SAMD4A: variants seen among roughly 807,000 people sequenced by gnomAD.
SAMD4A encodes protein Smaug homolog 1.
SAMD4A carries 33 observed loss-of-function variants against 81.3 expected under a neutral mutation model. The observed-to-expected ratio is 0.41, with a 90% CI of 0.31 to 0.54. The LOEUF (loss-of-function observed/expected upper bound fraction) is 0.54. Among genes scored for constraint, SAMD4A ranks in the 20% least tolerant of loss-of-function variants. The probability of loss-of-function intolerance (pLI) is 0.37; values close to 1 mark genes in which losing one functional copy is unlikely to be tolerated. For missense variants in SAMD4A, 854 were observed against 951.1 expected, an observed-to-expected ratio of 0.90 and a Z score of 1.34; for synonymous variants, 389 against 382.1, an observed-to-expected ratio of 1.02 and a Z score of -0.21.
In SAMD4A at chr14:54,614,604, C is replaced by T. The variant is rs533549829; in HGVS notation, c.196+46492C>T. The stretch of plus-strand genomic sequence containing the variant: ...CACCTTTCCCTCCTCTTTCTATAAA[C>T]GTGAGAAACATTTAAATACTATCTA... On this transcript the variant is annotated intron_variant, in intron 2 of 12. Coordinates refer to ENST00000554335, the MANE Select transcript of SAMD4A (RefSeq NM_015589.6). Among the ~76,000 whole-genome samples the T allele has an allele frequency of 3.7e-4, 56 of 152,270 alleles. No homozygotes were observed. In the South Asian group the frequency reaches 0.011, roughly 30 times the overall value.
chr14:54,639,120 C>G (rs1430553528), intron 2 of SAMD4A, among the ~76,000 whole-genome samples: 1 of 152,182 alleles, frequency 6.6e-6, no homozygotes, highest in Non-Finnish European at 1.5e-5. Context: ...CAGCAAATTA[C>G]TTTAATCCCT....
intron 2 of SAMD4A, among the ~76,000 whole-genome samples, chr14:54,569,753 G>A (rs894657498): frequency 6.6e-6 from 1 of 152,182 alleles, no homozygotes; most frequent in African/African-American, 2.4e-5. Context: ...GAGGATTTAC[G>A]CAGAGTCATT....
chr14:54,566,220 G>A (rs1457615754), upstream of SAMD4A, among the ~76,000 whole-genome samples: 4 of 151,152 alleles, frequency 2.6e-5, no homozygotes, highest in East Asian at 2.0e-4. Context: ...GCCCGCGGCC[G>A]GCGCTCCGGG....
intron 2 of SAMD4A, among the ~76,000 whole-genome samples, chr14:54,586,339 A>G (rs1204225783): frequency 6.6e-6 from 1 of 152,146 alleles, no homozygotes; most frequent in African/African-American, 2.4e-5. Context: ...CCTTTGTTGG[A>G]TGTATAGATT....
At chr14:54,719,099 G>C (rs1464451959) in intron 3 of SAMD4A, among the ~76,000 whole-genome samples, 1 of 152,120 alleles carries the variant, frequency 6.6e-6, no homozygotes, top group Admixed American at 6.6e-5. Flanking sequence ...AGAACAGCCA[G>C]CTTAGACTCA....
intron 2 of SAMD4A, among the ~76,000 whole-genome samples, chr14:54,568,710 T>A (rs2033032617): frequency 8.6e-6 from 1 of 116,706 alleles, no homozygotes; most frequent in Non-Finnish European, 1.9e-5. Flanking sequence ...TATATATATA[T>A]ATATATATAT....
chr14:54,612,438 TA>T (rs2034383071), intron 2 of SAMD4A, among the ~76,000 whole-genome samples: 1 of 152,198 alleles, frequency 6.6e-6, no homozygotes, highest in Non-Finnish European at 1.5e-5. Context: ...TTTCTTATTT[TA>T]AAATCTCATC....
intron 2 of SAMD4A, among the ~76,000 whole-genome samples, chr14:54,634,155 G>T (rs374588794): frequency 6.6e-6 from 1 of 151,890 alleles, no homozygotes; most frequent in Non-Finnish European, 1.5e-5. Context: ...GGATGGTGGT[G>T]TATGCCTGTA....
intron 2 of SAMD4A, among the ~76,000 whole-genome samples, chr14:54,650,764 CTT>C (rs919940482): frequency 2.6e-5 from 4 of 152,156 alleles, no homozygotes; most frequent in Admixed American, 2.6e-4. Flanking sequence ...ATTCTGTCAT[CTT>C]GTTTCCCTTT....
chr14:54,670,778 T>C (rs892291685), intron 2 of SAMD4A, among the ~76,000 whole-genome samples: 1 of 152,240 alleles, frequency 6.6e-6, no homozygotes, highest in Non-Finnish European at 1.5e-5. Context: ...TAACTGCTGT[T>C]GCCTCCCATG....
chr14:54,712,469 T>A (rs1249840610), intron 3 of SAMD4A, among the ~76,000 whole-genome samples: 5 of 152,128 alleles, frequency 3.3e-5, no homozygotes, highest in East Asian at 1.9e-4. Context: ...TGGGGGAAAC[T>A]TTTTTTAGTA....
At position 54,567,680 on chromosome 14, in the gene SAMD4A, T is replaced by C; in HGVS notation, c.-237T>C. On this transcript the variant is annotated 5_prime_UTR_variant, in exon 2 of 13. Coordinates refer to ENST00000554335, the MANE Select transcript of SAMD4A (RefSeq NM_015589.6). ...TCGTTTTTTTTTTTAAAGAAACATT[T>C]CCGTGCTACTGTCTGTCATCGTCTC... 1 of 505,618 alleles carries C rather than the reference T, an allele frequency of 2.0e-6. No homozygotes were observed. Among genetic ancestry groups the C allele is most frequent in the East Asian group, 3.6e-5 (1 of 27,894 alleles). The allele number at this position is 505,618 out of a possible 1,614,324, so 31.3% of individuals were successfully genotyped here.
At chr14:54,588,674 G>A (rs2140172887) in intron 2 of SAMD4A, among the ~76,000 whole-genome samples, 1 of 152,202 alleles carries the variant, frequency 6.6e-6, no homozygotes, top group East Asian at 1.9e-4. Flanking sequence ...ATTATTTTCA[G>A]ATACATTTCT....
At chr14:54,566,748 C>T (rs1215972531), upstream of SAMD4A, among the ~76,000 whole-genome samples, 1 of 151,852 alleles carries the variant, frequency 6.6e-6, no homozygotes, top group Non-Finnish European at 1.5e-5. Flanking sequence ...CTGCCACACA[C>T]GCGCGCACAC....
chr14:54,764,675 G>A, intron 8 of SAMD4A, 135 bp downstream of exon 8: 2 of 607,120 alleles, frequency 3.3e-6, no homozygotes, highest in South Asian at 4.0e-5. Context: ...TAATAGGTTG[G>A]GCAGAACTAG....
intron 3 of SAMD4A, among the ~76,000 whole-genome samples, chr14:54,736,447 TG>T (rs2037693699): frequency 2.0e-5 from 3 of 152,318 alleles, no homozygotes; most frequent in Admixed American, 2.0e-4. Flanking sequence ...ATGTTAGTAC[TG>T]GGGCCCTTGC....
In SAMD4A at chr14:54,734,465, C is replaced by G. The variant is rs1268963078; in HGVS notation, c.716-2559C>G. 2.0e-5 allele frequency among the ~76,000 whole-genome samples: 3 copies of G among 152,208 alleles called. No individual in the cohort carries two copies. In the East Asian group the frequency reaches 5.8e-4, roughly 29 times the overall value. On this transcript the variant is annotated intron_variant, in intron 3 of 12. Coordinates refer to ENST00000554335, the MANE Select transcript of SAMD4A (RefSeq NM_015589.6). The stretch of plus-strand genomic sequence containing the variant: ...AAGTCATCAGGAAAAGACCCTGGCA[C>G]CTCAGGTATAATTGATGTTTCCTTA...
chr14:54,745,381 T>C (rs895085323), intron 4 of SAMD4A, among the ~76,000 whole-genome samples: 1 of 152,206 alleles, frequency 6.6e-6, no homozygotes. Context: ...CTGTGTTTCC[T>C]TCCTGCTTCC....
chr14:54,778,772 C>T (rs187901248), intron 11 of SAMD4A, among the ~76,000 whole-genome samples: 16 of 152,350 alleles, frequency 1.1e-4, no homozygotes, highest in Admixed American at 1.0e-3. Flanking sequence ...ACAGGAGCCA[C>T]TCCTAAGTCC....
Sources: gnomAD v4.1 joint callset for allele counts (sites outside exome capture counted in the v4.1 genomes callset) on GRCh38, gnomAD v4.1.1 for gene constraint, MANE v1.5 for transcripts, NCBI Gene and HGNC (gene_info 2026-07-23, HGNC 2026-07-21) for gene names.